Variants in MBOAT1 observed in about 807,000 individuals in gnomAD.
MBOAT1 encodes the protein membrane bound glycerophospholipid O-acyltransferase 1, also known as membrane-bound glycerophospholipid O-acyltransferase 1.
A neutral mutation model predicts 64.4 loss-of-function variants in MBOAT1; 67 were observed. The ratio of observed to expected loss-of-function variants is 1.04; its 90% CI spans 0.85 to 1.27. MBOAT1 has a LOEUF of 1.27. MBOAT1 is among the 50% of genes most tolerant of loss of function. The pLI, the probability that MBOAT1 is intolerant of heterozygous loss-of-function variation, is 0.00. For synonymous variants in MBOAT1, 229 were observed against 218.9 expected (o/e 1.05, Z -0.41); for missense variants, 563 against 604.6 (o/e 0.93, Z 0.72).
chr6:20,138,693 G>C (rs1761074845), intron 4 of MBOAT1, among the ~76,000 whole-genome samples: 1 of 152,210 alleles, frequency 6.6e-6, no homozygotes, highest in South Asian at 2.1e-4. Flanking sequence ...TCCTTATCCT[G>C]TATGATCAGG....
intron 1 of MBOAT1, among the ~76,000 whole-genome samples, chr6:20,210,559 T>A (rs1763389047): frequency 6.6e-6 from 1 of 152,108 alleles, no homozygotes; most frequent in Non-Finnish European, 1.5e-5. Flanking sequence ...CATTTCTCCT[T>A]CGGTTTATCC....
chr6:20,199,193 G>C (rs1430903492), intron 1 of MBOAT1, among the ~76,000 whole-genome samples: 2 of 152,180 alleles, frequency 1.3e-5, no homozygotes, highest in Non-Finnish European at 2.9e-5. Flanking sequence ...GAGGCTGCTT[G>C]ATTCGGGAAT....
At chr6:20,159,394 G>A (rs75361171) in intron 1 of MBOAT1, among the ~76,000 whole-genome samples, 4,138 of 152,200 alleles carry the variant, frequency 0.027, 71 homozygotes, top group Non-Finnish European at 0.044. Flanking sequence ...GCCATCAAGG[G>A]ATGAATGGAT....
chr6:20,109,044 T>C (rs564817590), intron 12 of MBOAT1, among the ~76,000 whole-genome samples: 1 of 152,310 alleles, frequency 6.6e-6, no homozygotes, highest in African/African-American at 2.4e-5. Flanking sequence ...TGTTTGACTA[T>C]AAAGGTTGGT....
chr6:20,144,913 A>C (rs1182183708), intron 3 of MBOAT1, among the ~76,000 whole-genome samples: 1 of 152,126 alleles, frequency 6.6e-6, no homozygotes, highest in Non-Finnish European at 1.5e-5. Context: ...TCCATGCCTC[A>C]GGTTTCAATT....
intron 1 of MBOAT1, among the ~76,000 whole-genome samples, chr6:20,202,749 G>C (rs1763158984): frequency 6.6e-6 from 1 of 152,140 alleles, no homozygotes; most frequent in Non-Finnish European, 1.5e-5. Flanking sequence ...ACTATTTGGA[G>C]CTACTTTTCC....
intron 1 of MBOAT1, among the ~76,000 whole-genome samples, chr6:20,165,482 C>A (rs1201181277): frequency 6.6e-6 from 1 of 152,280 alleles, no homozygotes; most frequent in South Asian, 2.1e-4. Flanking sequence ...ATGGCTCACA[C>A]CTGTAATCCT....
intron 1 of MBOAT1, among the ~76,000 whole-genome samples, chr6:20,206,347 T>C (rs932509882): frequency 2.6e-5 from 4 of 152,148 alleles, no homozygotes; most frequent in Non-Finnish European, 4.4e-5. Flanking sequence ...CTAATTTTTG[T>C]ATTTTTAGTA....
chr6:20,152,342 A>AAT (rs1554118888), intron 2 of MBOAT1, among the ~76,000 whole-genome samples: 3 of 38,874 alleles, frequency 7.7e-5, no homozygotes, highest in African/African-American at 1.7e-4. Context: ...AAAAAAATAA[A>AAT]AAATAAATAA....
intron 1 of MBOAT1, among the ~76,000 whole-genome samples, chr6:20,192,637 T>G (rs948759239): frequency 6.6e-6 from 1 of 152,178 alleles, no homozygotes; most frequent in African/African-American, 2.4e-5. Flanking sequence ...GGGCTGGCAA[T>G]GGGAAATAAC....
intron 1 of MBOAT1, among the ~76,000 whole-genome samples, chr6:20,176,284 T>TAA (rs5874754): frequency 2.1e-4 from 31 of 148,662 alleles, no homozygotes; most frequent in East Asian, 1.6e-3. Flanking sequence ...ACCCTGTCTT[T>TAA]AAAAAAAAAA....
chr6:20,160,852 A>G (rs1761832863), intron 1 of MBOAT1, among the ~76,000 whole-genome samples: 1 of 152,226 alleles, frequency 6.6e-6, no homozygotes, highest in Non-Finnish European at 1.5e-5. Context: ...ACTCCTCAGA[A>G]TGTCAGCAGG....
chr6:20,108,094 G>A (rs1760014179), intron 12 of MBOAT1, among the ~76,000 whole-genome samples: 1 of 152,216 alleles, frequency 6.6e-6, no homozygotes, highest in South Asian at 2.1e-4. Context: ...GGGAGCCCCA[G>A]TGAAGGGGGC....
At chr6:20,154,487 C>T (rs1761619363) in intron 1 of MBOAT1, among the ~76,000 whole-genome samples, 1 of 151,760 alleles carries the variant, frequency 6.6e-6, no homozygotes, top group African/African-American at 2.4e-5. Context: ...GAGCTGAGAT[C>T]GCACCACTGC....
intron 1 of MBOAT1, among the ~76,000 whole-genome samples, chr6:20,193,602 T>G (rs1220760805): frequency 7.0e-6 from 1 of 142,564 alleles, no homozygotes; most frequent in South Asian, 2.2e-4. Flanking sequence ...GAACCAAAAA[T>G]CCTTTTTTTT....
At chr6:20,211,882 A>G (rs924295848) in intron 1 of MBOAT1, among the ~76,000 whole-genome samples, 3 of 152,124 alleles carry the variant, frequency 2.0e-5, no homozygotes, top group Non-Finnish European at 2.9e-5. Context: ...AAGAAAAAAA[A>G]GTTCAGTAGA....
chr6:20,200,017 G>A (rs1455640340), intron 1 of MBOAT1, among the ~76,000 whole-genome samples: 1 of 152,208 alleles, frequency 6.6e-6, no homozygotes, highest in Non-Finnish European at 1.5e-5. Flanking sequence ...AACATTTATT[G>A]TATGGGGACA....
intron 8 of MBOAT1, among the ~76,000 whole-genome samples, chr6:20,122,577 TG>T (rs1760524410): frequency 6.6e-6 from 1 of 152,228 alleles, no homozygotes; most frequent in Non-Finnish European, 1.5e-5. Flanking sequence ...TCCAGCCAAA[TG>T]TTACATAAAT....
chr6:20,121,216 A>G (rs1457641576), intron 8 of MBOAT1, among the ~76,000 whole-genome samples: 1 of 152,234 alleles, frequency 6.6e-6, no homozygotes, highest in Non-Finnish European at 1.5e-5. Flanking sequence ...AATCATGTGT[A>G]ATTAGTACAT....
Sources: gnomAD v4.1 joint callset for allele counts (sites outside exome capture counted in the v4.1 genomes callset) on GRCh38, gnomAD v4.1.1 for gene constraint, MANE v1.5 for transcripts, NCBI Gene and HGNC (gene_info 2026-07-23, HGNC 2026-07-21) for gene names.